Variants in CD99 observed in about 807,000 individuals in gnomAD.
CD99 encodes the protein CD99 antigen.
A neutral mutation model predicts 28.4 loss-of-function variants in CD99; 19 were observed. The ratio of observed to expected loss-of-function variants is 0.67; its 90% CI spans 0.47 to 0.98. The LOEUF (loss-of-function observed/expected upper bound fraction) is 0.98, where lower values mean the gene tolerates loss of function less well. Among genes scored for constraint, CD99 ranks in the 50% least tolerant of loss-of-function variants. The pLI, the probability that CD99 is intolerant of heterozygous loss-of-function variation, is 0.00. For synonymous variants in CD99, 103 were observed against 92.1 expected, an observed-to-expected ratio of 1.12 and a Z score of -0.67; for missense variants, 283 against 248.8, an observed-to-expected ratio of 1.14 and a Z score of -0.92.
intron 5 of CD99, 101 bp downstream of exon 5, chrX:2,720,525 T>C (rs1569441690): frequency 9.2e-7 from 1 of 1,081,470 alleles, no homozygotes; most frequent in Non-Finnish European, 1.4e-6. Context: ...GTGTGCTTAC[T>C]GTTGACTGCC....
intron 1 of CD99, among the ~76,000 whole-genome samples, chrX:2,695,585 AT>A (rs756920775): frequency 1.7e-3 from 256 of 150,824 alleles, no homozygotes; most frequent in African/African-American, 5.4e-3. Context: ...CCACTTTTAA[AT>A]TTTTTTGTAG....
intron 7 of CD99, among the ~76,000 whole-genome samples, chrX:2,724,572 C>G (rs946159290): frequency 6.6e-6 from 1 of 152,030 alleles, no homozygotes; most frequent in Non-Finnish European, 1.5e-5. Context: ...AGTTCGAAAC[C>G]AGCCTGGCCA....
At chrX:2,700,010 C>T (rs1409503146) in intron 1 of CD99, among the ~76,000 whole-genome samples, 1 of 152,140 alleles carries the variant, frequency 6.6e-6, no homozygotes, top group Non-Finnish European at 1.5e-5. Context: ...TCAGAGAGTT[C>T]AGGAGCTTGC....
At chrX:2,721,323 G>A (rs916860912) in intron 5 of CD99, among the ~76,000 whole-genome samples, 2 of 149,780 alleles carry the variant, frequency 1.3e-5, no homozygotes, top group African/African-American at 4.9e-5. Flanking sequence ...TCACTCTGTT[G>A]TCCAGGCTAG....
At chrX:2,719,251 A>T (rs1200599922) in intron 3 of CD99, 1 of 207,194 alleles carries the variant, frequency 4.8e-6, no homozygotes, top group Non-Finnish European at 9.7e-6. Flanking sequence ...CTTAGGGTCT[A>T]CCTTTCCAAA....
intron 1 of CD99, chrX:2,692,209 C>A: frequency 2.2e-6 from 1 of 460,228 alleles, no homozygotes; most frequent in Non-Finnish European, 3.9e-6. Context: ...AAACGGAGAC[C>A]CTGCCGGATG....
chrX:2,703,703 G>T (rs2047987493), intron 1 of CD99, among the ~76,000 whole-genome samples: 1 of 151,462 alleles, frequency 6.6e-6, no homozygotes, highest in Non-Finnish European at 1.5e-5. Flanking sequence ...ACTGCTAATA[G>T]TTGGGACCGG....
intron 7 of CD99, among the ~76,000 whole-genome samples, chrX:2,725,393 A>G (rs1018328730): frequency 2.6e-5 from 4 of 152,158 alleles, no homozygotes; most frequent in Non-Finnish European, 4.4e-5. Context: ...GCAAGAACCC[A>G]TCTCAAAATA....
At chrX:2,725,413 A>G (rs2049222452) in intron 7 of CD99, among the ~76,000 whole-genome samples, 1 of 151,002 alleles carries the variant, frequency 6.6e-6, no homozygotes, top group Non-Finnish European at 1.5e-5. Context: ...AATACACAAT[A>G]ATAATAATTA....
chrX:2,728,208 T>C (rs1462195695), intron 8 of CD99, among the ~76,000 whole-genome samples: 2 of 144,596 alleles, frequency 1.4e-5, no homozygotes, highest in African/African-American at 2.6e-5. Flanking sequence ...TTCTTTTTTT[T>C]TTTTTTTTTT....
intron 1 of CD99, among the ~76,000 whole-genome samples, chrX:2,694,294 T>TTA (rs1376048433): frequency 6.6e-6 from 1 of 151,446 alleles, no homozygotes; most frequent in Non-Finnish European, 1.5e-5. Flanking sequence ...TTTTTTTTTT[T>TTA]AACTCTCTCC....
intron 5 of CD99, among the ~76,000 whole-genome samples, chrX:2,720,786 G>T (rs113592927): frequency 6.6e-6 from 1 of 151,788 alleles, no homozygotes; most frequent in African/African-American, 2.4e-5. Flanking sequence ...TGCCATGCCC[G>T]GCTAATTTTT....
chrX:2,733,006 C>G (rs1444785929), intron 8 of CD99, among the ~76,000 whole-genome samples: 1 of 149,654 alleles, frequency 6.7e-6, no homozygotes, highest in Non-Finnish European at 1.5e-5. Flanking sequence ...CCCTCCCTTC[C>G]TCCATACCTC....
chrX:2,737,494 ATTTATT>A (rs1200920835), intron 8 of CD99, among the ~76,000 whole-genome samples: 53 of 140,478 alleles, frequency 3.8e-4, no homozygotes, highest in African/African-American at 1.2e-3. Flanking sequence ...ATTTTTATTT[ATTTATT>A]TTTATTTTTA....
intron 1 of CD99, among the ~76,000 whole-genome samples, chrX:2,693,731 G>T (rs2047441620): frequency 2.0e-5 from 3 of 152,156 alleles, no homozygotes; most frequent in Admixed American, 2.0e-4. Flanking sequence ...CAGGTGGGAT[G>T]TGGTGAGGGA....
chrX:2,691,500 C>T lies in CD99; in HGVS notation c.67+73C>T, dbSNP rs1439062550. On this transcript the variant is annotated intron_variant, in intron 1 of 9. Transcript: ENST00000381192. ...CGGGACTGGGGATCCGCTTGAGATG[C>T]GGCGTTGGGGGCGCCCCGCGGGGAC... 13 of 1,481,082 alleles carry T rather than the reference C, an allele frequency of 8.8e-6. No individual in the cohort carries two copies. In the African/African-American group the frequency reaches 1.7e-4, roughly 19 times the overall value. The allele number at this position is 1,481,082 out of a possible 1,614,324, so 91.7% of individuals were successfully genotyped here. A position where few individuals can be genotyped will look rare whatever the true frequency, so the allele number is the denominator to read the frequency against.
Position 2,719,310 on chromosome X carries a change from G to A in CD99, c.149-351G>A, listed in dbSNP as rs991376546. ...GGATGATGGGATGGGGAGTCAACAGGAGAAAATCATGTGCAGGCAGAATTG... is the reference window on the plus strand; with the variant it reads ...GGATGATGGGATGGGGAGTCAACAGAAGAAAATCATGTGCAGGCAGAATTG... On this transcript the variant is annotated intron_variant, in intron 3 of 9. Transcript: ENST00000381192. 4 of 286,580 alleles carry A rather than the reference G, an allele frequency of 1.4e-5. No individual in the cohort carries two copies. The South Asian group carries it at 2.4e-4, about 17-fold the overall frequency. 17.8% of individuals were successfully genotyped at this position (286,580 alleles called of 1,614,324 possible).
Position 2,737,006 on chromosome X carries a change from T to G in CD99, c.476-1194T>G, listed in dbSNP as rs555220046. ...CTTTGATGGCTGGGGAAGCTCTTAG[T>G]GCTCGGAGTCCTCACTCACCTCTCT... On this transcript the variant is annotated intron_variant, in intron 8 of 9. Transcript: ENST00000381192. Among the ~76,000 whole-genome samples the G allele has an allele frequency of 1.6e-4, 24 of 151,996 alleles. 1 individual carries two copies. In the Middle Eastern group the frequency reaches 0.041, roughly 258 times the overall value.
At chrX:2,721,985 C>T (rs1191669518) in intron 5 of CD99, among the ~76,000 whole-genome samples, 1 of 152,006 alleles carries the variant, frequency 6.6e-6, no homozygotes, top group Non-Finnish European at 1.5e-5. Context: ...CAGATTTTTA[C>T]CAATTTATTT....
Sources: gnomAD v4.1 joint callset for allele counts (sites outside exome capture counted in the v4.1 genomes callset) on GRCh38, gnomAD v4.1.1 for gene constraint, MANE v1.5 for transcripts, NCBI Gene and HGNC (gene_info 2026-07-23, HGNC 2026-07-21) for gene names.